ZNF536: variants seen among roughly 807,000 people sequenced by gnomAD.
The protein encoded by ZNF536 is zinc finger protein 536.
Under a neutral mutation model 84.5 loss-of-function variants are expected in ZNF536, and 13 were observed. The observed-to-expected ratio is 0.15, with a 90% CI of 0.10 to 0.24. The LOEUF (loss-of-function observed/expected upper bound fraction) is 0.24. Ranked by LOEUF, ZNF536 falls within the 10% of genes least tolerant of loss-of-function variation. The pLI is 1.00. For synonymous variants in ZNF536, 811 were observed against 742.5 expected, an observed-to-expected ratio of 1.09 and a Z score of -1.50; for missense variants, 1,536 against 1,747.5, an observed-to-expected ratio of 0.88 and a Z score of 2.16.
chr19:30,695,082 ACC>A (rs1262446804), intron 1 of ZNF536, among the ~76,000 whole-genome samples: 1 of 151,866 alleles, frequency 6.6e-6, no homozygotes, highest in Non-Finnish European at 1.5e-5. Flanking sequence ...TACTAAAGGG[ACC>A]CCCTGGAACA....
intron 1 of ZNF536, among the ~76,000 whole-genome samples, chr19:30,634,901 G>T (rs2049010274): frequency 6.6e-6 from 1 of 152,086 alleles, no homozygotes; most frequent in Non-Finnish European, 1.5e-5. Flanking sequence ...TAAACTCTTA[G>T]CCAAAATCTC....
At chr19:30,440,291 C>A (rs16964191) in intron 1 of ZNF536, among the ~76,000 whole-genome samples, 14,644 of 152,024 alleles carry the variant, frequency 0.096, 923 homozygotes, top group African/African-American at 0.17. Flanking sequence ...GGTTTCTGAA[C>A]CTTCAGCTTC....
intron 2 of ZNF536, among the ~76,000 whole-genome samples, chr19:30,337,909 T>C (rs1035727792): frequency 2.0e-5 from 3 of 152,102 alleles, no homozygotes; most frequent in African/African-American, 7.2e-5. Flanking sequence ...GTGATGATGA[T>C]GATGATGACA....
intron 2 of ZNF536, among the ~76,000 whole-genome samples, chr19:30,341,323 T>A (rs1169519339): frequency 6.6e-6 from 1 of 152,260 alleles, no homozygotes; most frequent in Non-Finnish European, 1.5e-5. Flanking sequence ...AAGTAACTTA[T>A]GAGTCTCAAT....
chr19:30,615,167 G>A (rs1414894885), intron 1 of ZNF536, among the ~76,000 whole-genome samples: 1 of 148,688 alleles, frequency 6.7e-6, no homozygotes, highest in Non-Finnish European at 1.5e-5. Context: ...GGATGGTCTC[G>A]ATCTCCTGAC....
intron 1 of ZNF536, among the ~76,000 whole-genome samples, chr19:30,569,589 T>TTC (rs2046471057): frequency 7.3e-6 from 1 of 136,446 alleles, no homozygotes; most frequent in African/African-American, 2.8e-5. Context: ...TTTTTTTTTT[T>TTC]GAGACAGAGT....
chr19:30,471,101 G>A (rs1802684190), intron 2 of ZNF536, among the ~76,000 whole-genome samples: 3 of 151,928 alleles, frequency 2.0e-5, no homozygotes, highest in Middle Eastern at 3.4e-3. Flanking sequence ...GATTACAGGT[G>A]TACGCCACCA....
chr19:30,229,742 A>G (rs897986730), intron 1 of ZNF536, among the ~76,000 whole-genome samples: 1 of 152,078 alleles, frequency 6.6e-6, no homozygotes. Context: ...CGCCTGGCTG[A>G]TTTGCTTGGT....
chr19:30,703,734 C>T (rs1407774311), intron 1 of ZNF536, among the ~76,000 whole-genome samples: 1 of 152,202 alleles, frequency 6.6e-6, no homozygotes, highest in Non-Finnish European at 1.5e-5. Flanking sequence ...AGGATGACAG[C>T]AGCAGCCGTG....
intron 2 of ZNF536, among the ~76,000 whole-genome samples, chr19:30,459,737 C>A (rs2053046100): frequency 6.6e-6 from 1 of 152,104 alleles, no homozygotes; most frequent in Non-Finnish European, 1.5e-5. Context: ...TTGTCTATAT[C>A]CCTAGTGCGA....
At chr19:30,588,050 A>G (rs2047156153) in intron 1 of ZNF536, among the ~76,000 whole-genome samples, 1 of 152,176 alleles carries the variant, frequency 6.6e-6, no homozygotes, top group Non-Finnish European at 1.5e-5. Context: ...TGCAAAGTGC[A>G]CTCAGTCTTC....
At chr19:30,369,685 A>G (rs558405089), upstream of ZNF536, among the ~76,000 whole-genome samples, 2 of 152,326 alleles carry the variant, frequency 1.3e-5, no homozygotes, top group Admixed American at 6.5e-5. Context: ...CTGAAAATAC[A>G]TGTGTGCATA....
intron 2 of ZNF536, among the ~76,000 whole-genome samples, chr19:30,327,245 A>C (rs1301385055): frequency 1.3e-5 from 2 of 152,226 alleles, no homozygotes; most frequent in African/African-American, 4.8e-5. Context: ...ATCCAGGAGG[A>C]GTGCATATTT....
intron 1 of ZNF536, among the ~76,000 whole-genome samples, chr19:30,622,591 G>A (rs146878988): frequency 4.0e-4 from 61 of 152,182 alleles, no homozygotes; most frequent in African/African-American, 1.4e-3. Context: ...CCTCTAGCAG[G>A]AGGCTTATTT....
At chr19:30,290,049 G>A (rs868336258) in intron 2 of ZNF536, among the ~76,000 whole-genome samples, 19 of 152,052 alleles carry the variant, frequency 1.2e-4, no homozygotes, top group Admixed American at 3.3e-4. Context: ...ATTCCAGGTC[G>A]TGGCATCCAC....
At chr19:30,433,862 C>T (rs2051592234) in intron 1 of ZNF536, among the ~76,000 whole-genome samples, 1 of 152,156 alleles carries the variant, frequency 6.6e-6, no homozygotes, top group Non-Finnish European at 1.5e-5. Context: ...TCAGCATGTC[C>T]TCTGCTACCA....
chr19:30,320,164 G>GA (rs1397423708), intron 2 of ZNF536, among the ~76,000 whole-genome samples: 14 of 151,916 alleles, frequency 9.2e-5, no homozygotes, highest in East Asian at 7.7e-4. Flanking sequence ...CTGACTTGAA[G>GA]AAAAAAATCA....
At chr19:30,595,808 A>G (rs772210845) in intron 1 of ZNF536, among the ~76,000 whole-genome samples, 22 of 152,140 alleles carry the variant, frequency 1.4e-4, no homozygotes, top group Non-Finnish European at 2.8e-4. Context: ...CTGCCTCAAG[A>G]GTTGAAGTCT....
intron 2 of ZNF536, among the ~76,000 whole-genome samples, chr19:30,297,859 C>T (rs930165234): frequency 4.6e-5 from 7 of 151,338 alleles, no homozygotes; most frequent in Admixed American, 4.0e-4. Flanking sequence ...GTTAAATTTT[C>T]CCCACAAACT....
Sources: allele counts gnomAD v4.1 joint callset (sites outside exome capture counted in the v4.1 genomes callset), GRCh38; gene constraint gnomAD v4.1.1; transcripts MANE v1.5; gene names NCBI Gene and HGNC (gene_info 2026-07-23, HGNC 2026-07-21).